ATG5: variants seen among roughly 807,000 people sequenced by gnomAD.
The protein encoded by ATG5 is autophagy related 5, also known as autophagy protein 5.
Under a neutral mutation model 36.5 loss-of-function variants are expected in ATG5, and 14 were observed. The ratio of observed to expected loss-of-function variants is 0.38; its 90% CI spans 0.25 to 0.60. The LOEUF (loss-of-function observed/expected upper bound fraction) is 0.60, where lower values mean the gene tolerates loss of function less well. Among genes scored for constraint, ATG5 ranks in the 20% least tolerant of loss-of-function variants. The probability of loss-of-function intolerance (pLI) is 0.60; values close to 1 mark genes in which losing one functional copy is unlikely to be tolerated. For synonymous variants in ATG5, 95 were observed against 101.5 expected, an observed-to-expected ratio of 0.94 and a Z score of 0.38; for missense variants, 195 against 326.7, an observed-to-expected ratio of 0.60 and a Z score of 3.11.
At chr6:106,194,783 C>A (rs192681087) in intron 7 of ATG5, among the ~76,000 whole-genome samples, 2 of 152,180 alleles carry the variant, frequency 1.3e-5, no homozygotes, top group Admixed American at 1.3e-4. Context: ...GTGATCCACC[C>A]GCCTAGCTTA....
In ATG5 at chr6:106,185,585, T is replaced by C. The variant is rs1300924502; in HGVS notation, c.*955A>G. On this transcript the variant is annotated 3_prime_UTR_variant, in exon 8 of 8. Coordinates refer to ENST00000369076, the MANE Select transcript of ATG5 (RefSeq NM_004849.4). ...AGGGACCACAGTGAAAAATTAGACC[T>C]GGAGCCAATGAAAAACACTAGCTTG... 2 of 152,326 alleles carry C rather than the reference T, an allele frequency of 1.3e-5. No individual in the cohort carries two copies. The highest frequency in any genetic ancestry group is 2.4e-5 in the African/African-American group (1 of 41,444). 9.4% of individuals were successfully genotyped at this position (152,326 alleles called of 1,614,324 possible).
intron 2 of ATG5, among the ~76,000 whole-genome samples, chr6:106,314,805 T>C (rs1205563414): frequency 6.6e-6 from 1 of 152,084 alleles, no homozygotes; most frequent in Non-Finnish European, 1.5e-5. Flanking sequence ...CTTCTAAAAA[T>C]AAAACTATGA....
At chr6:106,246,704 C>A (rs1217636625) in intron 6 of ATG5, among the ~76,000 whole-genome samples, 1 of 152,154 alleles carries the variant, frequency 6.6e-6, no homozygotes, top group Non-Finnish European at 1.5e-5. Context: ...GTATAAATCT[C>A]AAAACAGTTT....
chr6:106,312,749 C>T (rs1198604932), intron 2 of ATG5, among the ~76,000 whole-genome samples: 3 of 151,988 alleles, frequency 2.0e-5, no homozygotes, highest in African/African-American at 7.2e-5. Flanking sequence ...AAGCAACCAA[C>T]AACATCAAAC....
chr6:106,267,893 G>A (rs1309523826), intron 5 of ATG5, among the ~76,000 whole-genome samples: 1 of 152,116 alleles, frequency 6.6e-6, no homozygotes, highest in Non-Finnish European at 1.5e-5. Context: ...AACCCTACAA[G>A]AAAACATAGG....
At chr6:106,261,271 GA>G (rs778614569) in intron 5 of ATG5, among the ~76,000 whole-genome samples, 10 of 152,180 alleles carry the variant, frequency 6.6e-5, no homozygotes, top group Non-Finnish European at 1.3e-4. Context: ...AGTCACCTCA[GA>G]AAAAGTAAAT....
chr6:106,229,414 CAGAG>C (rs377704575), intron 6 of ATG5, among the ~76,000 whole-genome samples: 21 of 149,066 alleles, frequency 1.4e-4, no homozygotes, highest in South Asian at 4.2e-4. Flanking sequence ...CAGACAGAGA[CAGAG>C]AGAGAGAGAG....
At chr6:106,273,935 G>A (rs1779547906) in intron 5 of ATG5, among the ~76,000 whole-genome samples, 1 of 152,104 alleles carries the variant, frequency 6.6e-6, no homozygotes, top group African/African-American at 2.4e-5. Flanking sequence ...TTAAAAACCA[G>A]TTTTAAGTTA....
chr6:106,216,582 G>C (rs1280772062), intron 6 of ATG5, among the ~76,000 whole-genome samples: 1 of 152,212 alleles, frequency 6.6e-6, no homozygotes, highest in African/African-American at 2.4e-5. Context: ...GAGGGAGGGG[G>C]AATGATATAA....
chr6:106,263,201 C>G (rs536435305), intron 5 of ATG5, among the ~76,000 whole-genome samples: 2 of 152,194 alleles, frequency 1.3e-5, no homozygotes, highest in Non-Finnish European at 2.9e-5. Context: ...AGGCAGTTTT[C>G]CTCTGACAGT....
chr6:106,237,869 T>G (rs1777960157), intron 6 of ATG5, among the ~76,000 whole-genome samples: 1 of 152,222 alleles, frequency 6.6e-6, no homozygotes, highest in Non-Finnish European at 1.5e-5. Context: ...GTGAGGAGCA[T>G]AAAGACATAA....
At chr6:106,220,412 C>T (rs1289472305) in intron 6 of ATG5, among the ~76,000 whole-genome samples, 2 of 151,142 alleles carry the variant, frequency 1.3e-5, no homozygotes, top group African/African-American at 4.8e-5. Flanking sequence ...AAAAAACAGG[C>T]ATCACACACA....
chr6:106,321,677 T>A (rs140729033), intron 1 of ATG5, among the ~76,000 whole-genome samples: 1,547 of 152,276 alleles, frequency 0.01, 26 homozygotes, highest in African/African-American at 0.035. Context: ...TCCTCTTAAG[T>A]GTCGGCTTAA....
chr6:106,220,406 A>C (rs2114425051), intron 6 of ATG5, among the ~76,000 whole-genome samples: 1 of 151,814 alleles, frequency 6.6e-6, no homozygotes, highest in South Asian at 2.1e-4. Context: ...AAAACCAAAA[A>C]ACAGGCATCA....
chr6:106,265,407 G>A (rs1779190769), intron 5 of ATG5, among the ~76,000 whole-genome samples: 1 of 152,064 alleles, frequency 6.6e-6, no homozygotes, highest in African/African-American at 2.4e-5. Context: ...AATAGTGGGG[G>A]ATTTTAACCC....
chr6:106,304,836 A>T (rs1360509018), intron 3 of ATG5, among the ~76,000 whole-genome samples: 3 of 152,212 alleles, frequency 2.0e-5, no homozygotes, highest in Non-Finnish European at 4.4e-5. Context: ...TCACACCTGT[A>T]ATCCCAGCAC....
intron 3 of ATG5, among the ~76,000 whole-genome samples, chr6:106,304,952 G>A (rs896815611): frequency 3.9e-5 from 6 of 152,080 alleles, no homozygotes; most frequent in African/African-American, 9.7e-5. Flanking sequence ...ATTAGCTGGC[G>A]TGGTGGCGGA....
chr6:106,246,390 T>TCACACACA (rs1423043399), intron 6 of ATG5, among the ~76,000 whole-genome samples: 18 of 113,472 alleles, frequency 1.6e-4, no homozygotes, highest in African/African-American at 6.8e-4. Flanking sequence ...TCTCTCTCTC[T>TCACACACA]CTCACACACA....
intron 6 of ATG5, among the ~76,000 whole-genome samples, chr6:106,226,840 T>C (rs956229705): frequency 2.6e-5 from 4 of 152,114 alleles, no homozygotes; most frequent in African/African-American, 4.8e-5. Context: ...CTGAATTAAC[T>C]TGAGGGGCTC....
Sources: allele counts gnomAD v4.1 joint callset (sites outside exome capture counted in the v4.1 genomes callset), GRCh38; gene constraint gnomAD v4.1.1; transcripts MANE v1.5; gene names NCBI Gene and HGNC (gene_info 2026-07-23, HGNC 2026-07-21).